Variants in GIGYF2 observed in about 807,000 individuals in gnomAD.
GIGYF2 encodes GRB10 interacting GYF protein 2.
A neutral mutation model predicts 208.1 loss-of-function variants in GIGYF2; 25 were observed. That is an observed-to-expected ratio of 0.12 (90% CI 0.09 to 0.17). The LOEUF (loss-of-function observed/expected upper bound fraction) is 0.17. Ranked by LOEUF, GIGYF2 falls within the 10% of genes least tolerant of loss-of-function variation. The pLI, the probability that GIGYF2 is intolerant of heterozygous loss-of-function variation, is 1.00. For missense variants in GIGYF2, 1,302 were observed against 1,579.4 expected, an observed-to-expected ratio of 0.82 and a Z score of 2.98; for synonymous variants, 534 against 543.8, an observed-to-expected ratio of 0.98 and a Z score of 0.25.
intron 1 of GIGYF2, among the ~76,000 whole-genome samples, chr2:232,701,682 C>T (rs545701377): frequency 1.3e-5 from 2 of 151,868 alleles, no homozygotes; most frequent in Non-Finnish European, 1.5e-5. Flanking sequence ...CTTCAGCTTC[C>T]CAAAGTGTTG....
chr2:232,771,902 G>GAC lies in GIGYF2; in HGVS notation c.532+10468_532+10469dup, dbSNP rs1277474907. Among the ~76,000 whole-genome samples the GAC allele has an allele frequency of 5.9e-5, 9 of 152,272 alleles. No individual in the cohort carries two copies. The South Asian group carries it at 1.9e-3, about 32-fold the overall frequency. ...TCCTTTGAAGCCAGATTTAGTATAGGACAAGGCTTACATTTGTGGTAAGCT... is the reference window on the plus strand; with the variant it reads ...TCCTTTGAAGCCAGATTTAGTATAGGACACAAGGCTTACATTTGTGGTAAGCT... On this transcript the variant is annotated intron_variant, in intron 8 of 28. Coordinates refer to ENST00000373563, the MANE Select transcript of GIGYF2 (RefSeq NM_001103146.3).
Position 232,809,773 on chromosome 2 carries a change from C to A in GIGYF2, c.1860C>A (p.Tyr620Ter). ...LTRQQELTAL[Y>*]QMQHLQYQQF... ...GGCAGCAAGAACTCACAGCCTTATA[C>A]CAGATGCAGCACCTGCAGTACCAGC... is the stretch of plus-strand genomic sequence containing the variant. Residue 620 changes from tyrosine to a stop codon, truncating the protein, a stop_gained, in exon 16 of 29, where the codon TAC (tyrosine) becomes TAA (stop). Transcript: ENST00000373563. LOFTEE classifies it high-confidence loss of function. 1 of 1,609,404 alleles carries A rather than the reference C, an allele frequency of 6.2e-7. No individual in the cohort carries two copies. Among genetic ancestry groups the A allele is most frequent in the Non-Finnish European group, 8.5e-7 (1 of 1,175,694 alleles).
intron 8 of GIGYF2, chr2:232,768,701 C>T: frequency 1.2e-6 from 2 of 1,604,190 alleles, no homozygotes; most frequent in Non-Finnish European, 1.7e-6. Flanking sequence ...GGGTGTTGGC[C>T]ACTTGGAAGA....
At chr2:232,840,653 A>C in intron 23 of GIGYF2, among the ~76,000 whole-genome samples, 1 of 151,642 alleles carries the variant, frequency 6.6e-6, no homozygotes, top group East Asian at 1.9e-4. Flanking sequence ...TGACCCTCTG[A>C]TTGAGAAGAG....
intron 2 of GIGYF2, among the ~76,000 whole-genome samples, chr2:232,716,832 G>A (rs928972568): frequency 2.6e-5 from 4 of 151,828 alleles, no homozygotes; most frequent in Non-Finnish European, 5.9e-5. Flanking sequence ...TTGATACAGG[G>A]TCTCACTTTG....
intron 14 of GIGYF2, among the ~76,000 whole-genome samples, chr2:232,796,929 TAA>T (rs1229466687): frequency 3.9e-5 from 6 of 152,152 alleles, no homozygotes; most frequent in South Asian, 4.1e-4. Context: ...AGCAAATGTT[TAA>T]GACTTTTTAA....
chr2:232,847,497 C>T lies in GIGYF2; in HGVS notation c.3610C>T (p.Arg1204Cys), dbSNP rs149440697. 174 of 1,556,528 alleles carry T rather than the reference C, an allele frequency of 1.1e-4. No homozygotes were observed. Among genetic ancestry groups the T allele is most frequent in the Non-Finnish European group, 1.5e-4 (166 of 1,140,148 alleles). ...RRAKQKANQQ[R>C]QQQQLPQQQQ... Reference sequence around the variant, plus strand: ...TGCCAAACAGAAAGCCAACCAGCAGCGTCAGCAGCAGCAGCTGCCACAGCA... The same window carrying T: ...TGCCAAACAGAAAGCCAACCAGCAGTGTCAGCAGCAGCAGCTGCCACAGCA... Residue 1204 changes from arginine to cysteine, a missense_variant, in exon 27 of 29, where the codon CGT becomes TGT. Transcript: ENST00000373563.
chr2:232,758,766 G>C (rs552379341), intron 6 of GIGYF2, among the ~76,000 whole-genome samples: 3 of 152,124 alleles, frequency 2.0e-5, no homozygotes, highest in Non-Finnish European at 2.9e-5. Context: ...TTTCTTCAAG[G>C]TGATACAAGT....
In GIGYF2 at chr2:232,814,564, A is replaced by ACCCCCCCCC. The variant is rs1187503725; in HGVS notation, c.2108-1073_2108-1072insCCCCCCCCC. ...GGTGACAGAGTGAGACTCCACCTCA[A>ACCCCCCCCC]ACCCCCCCCCCCCAAAAAAAAAGTA... is the stretch of plus-strand genomic sequence containing the variant. On this transcript the variant is annotated intron_variant, in intron 18 of 28. Transcript: ENST00000373563. Among the ~76,000 whole-genome samples, 16 of 65,174 alleles carry ACCCCCCCCC rather than the reference A, an allele frequency of 2.5e-4. 1 individual carries two copies. Among genetic ancestry groups the ACCCCCCCCC allele is most frequent in the Non-Finnish European group, 3.4e-4 (11 of 32,248 alleles). 42.8% of individuals were successfully genotyped at this position (65,174 alleles called of 152,430 possible).
intron 3 of GIGYF2, chr2:232,736,200 G>A: frequency 1.0e-6 from 1 of 968,918 alleles, no homozygotes; most frequent in Non-Finnish European, 1.2e-6. Context: ...TGGAACTCCT[G>A]TATTTTGAGA....
At chr2:232,731,995 T>C (rs901344218) in intron 2 of GIGYF2, among the ~76,000 whole-genome samples, 5 of 152,244 alleles carry the variant, frequency 3.3e-5, no homozygotes, top group Admixed American at 2.0e-4. Context: ...TTTGTTAAGA[T>C]AGTCGTAAGA....
chr2:232,706,506 G>A (rs761619544), intron 2 of GIGYF2, among the ~76,000 whole-genome samples: 5 of 152,164 alleles, frequency 3.3e-5, no homozygotes, highest in Non-Finnish European at 5.9e-5. Flanking sequence ...GCTGGGGCGT[G>A]GTGGCTCACG....
intron 20 of GIGYF2, 66 bp from the exon 21 acceptor site, chr2:232,819,761 C>A: frequency 4.7e-6 from 4 of 844,574 alleles, no homozygotes; most frequent in Non-Finnish European, 8.2e-6. Flanking sequence ...CCAAATATGA[C>A]ATAATAAATT....
intron 9 of GIGYF2, chr2:232,787,993 C>G (rs377319765): frequency 1.3e-5 from 2 of 155,916 alleles, no homozygotes; most frequent in Non-Finnish European, 2.8e-5. Context: ...TCATCCTGTA[C>G]CACAGTGCTG....
At chr2:232,775,944 A>G (rs911532457) in intron 8 of GIGYF2, among the ~76,000 whole-genome samples, 4 of 152,184 alleles carry the variant, frequency 2.6e-5, no homozygotes, top group Admixed American at 2.0e-4. Context: ...CAGAGATTCT[A>G]TTTTAATTTC....
intron 3 of GIGYF2, among the ~76,000 whole-genome samples, chr2:232,743,661 T>C (rs755577312): frequency 6.6e-6 from 1 of 152,164 alleles, no homozygotes; most frequent in Non-Finnish European, 1.5e-5. Flanking sequence ...CCCAAATATG[T>C]TTTAGCTTTT....
At chr2:232,737,169 T>C (rs930292111) in intron 3 of GIGYF2, among the ~76,000 whole-genome samples, 6 of 152,242 alleles carry the variant, frequency 3.9e-5, no homozygotes, top group South Asian at 4.1e-4. Flanking sequence ...AGAGACAGTT[T>C]GCTGGCCCCT....
chr2:232,776,548 A>T, intron 8 of GIGYF2: 1 of 872,602 alleles, frequency 1.1e-6, no homozygotes, highest in African/African-American at 1.7e-5. Context: ...TCTAGTTTGT[A>T]GGTTCTCTTC....
intron 6 of GIGYF2, 149 bp from the exon 7 acceptor site, chr2:232,760,331 T>C: frequency 1.5e-6 from 1 of 656,990 alleles, no homozygotes; most frequent in Non-Finnish European, 2.8e-6. Context: ...GTTGGTCTCA[T>C]AAGTCAAGAT....
Sources: allele counts gnomAD v4.1 joint callset (sites outside exome capture counted in the v4.1 genomes callset), GRCh38; gene constraint gnomAD v4.1.1; transcripts MANE v1.5; gene names NCBI Gene and HGNC (gene_info 2026-07-23, HGNC 2026-07-21).